The following BAIAP2 variants were observed in gnomAD, a reference collection of about 807,000 sequenced individuals.
BAIAP2 encodes BAR/IMD domain containing adaptor protein 2, also known as BAR/IMD domain-containing adapter protein 2.
In BAIAP2, 18 loss-of-function variants were observed where a neutral mutation model predicts 63.0. That is an observed-to-expected ratio of 0.29 (90% CI 0.20 to 0.42). The LOEUF is 0.42. BAIAP2 is among the 10% of genes least tolerant of loss of function. The pLI, the probability that BAIAP2 is intolerant of heterozygous loss-of-function variation, is 1.00. For missense variants in BAIAP2, 610 were observed against 734.3 expected, an observed-to-expected ratio of 0.83 and a Z score of 1.96; for synonymous variants, 386 against 307.6, an observed-to-expected ratio of 1.25 and a Z score of -2.67.
chr17:81,050,720 CACACAA>C (rs1464990251), intron 1 of BAIAP2, among the ~76,000 whole-genome samples: 3 of 80,834 alleles, frequency 3.7e-5, no homozygotes, highest in Non-Finnish European at 6.5e-5. Context: ...CACACACACG[CACACAA>C]ATGTGCACAT....
chr17:81,055,574 G>GTTTTTTTTTTTTTTTTGTTTTT lies in BAIAP2; in HGVS notation c.130+1840_130+1841insTTTTTTTGTTTTTTTTTTTTTT, dbSNP rs1555657874. Among the ~76,000 whole-genome samples, 40 of 123,408 alleles carry GTTTTTTTTTTTTTTTTGTTTTT rather than the reference G, an allele frequency of 3.2e-4. 2 individuals carry two copies. Among genetic ancestry groups the GTTTTTTTTTTTTTTTTGTTTTT allele is most frequent in the Middle Eastern group, 4.1e-3 (1 of 244 alleles). The allele number at this position is 123,408 out of a possible 152,430, so 81.0% of individuals were successfully genotyped here. ...CCAGCGAAAGTCTGCAGGGTGTTTT[G>GTTTTTTTTTTTTTTTTGTTTTT]TTTTTTTTTGAGACGGAGTCTCACT... On this transcript the variant is annotated intron_variant, in intron 2 of 13. Transcript: ENST00000428708.
chr17:81,109,680 G>A lies in BAIAP2; in HGVS notation c.1535+1171G>A, dbSNP rs879646510. The A allele has an allele frequency of 2.2e-5, 22 of 985,128 alleles. 1 individual carries two copies. The Admixed American group carries it at 4.3e-4, about 19-fold the overall frequency. The allele number at this position is 985,128 out of a possible 1,614,324, so 61.0% of individuals were successfully genotyped here. On this transcript the variant is annotated intron_variant, in intron 13 of 13. Transcript: ENST00000428708. The stretch of plus-strand genomic sequence containing the variant: ...GAGGGCTTCTCCCTCTGGACACTGC[G>A]GGCCAGGTGTACATAGAGCAGCGCG...
At chr17:81,052,607 TCG>T (rs2144080410) in intron 1 of BAIAP2, among the ~76,000 whole-genome samples, 1 of 152,302 alleles carries the variant, frequency 6.6e-6, no homozygotes, top group Admixed American at 6.5e-5. Context: ...GATGGAACAC[TCG>T]TCAAATAGCG....
chr17:81,065,851 G>T (rs2051364970), intron 3 of BAIAP2, among the ~76,000 whole-genome samples: 1 of 152,244 alleles, frequency 6.6e-6, no homozygotes, highest in Non-Finnish European at 1.5e-5. Flanking sequence ...GCTGCCCTTT[G>T]GCCTGGCTGT....
In BAIAP2 at chr17:81,110,137, G is replaced by A; in HGVS notation, c.1535+1628G>A. ...GCCTGCCCGCTGGTGGGAGCCCCTG[G>A]GAAGCTGCGGCGCTCCTTTATCTGA... On this transcript the variant is annotated intron_variant, in intron 13 of 13. Coordinates refer to ENST00000428708, the MANE Select transcript of BAIAP2 (RefSeq NM_001144888.2). The A allele has an allele frequency of 5.1e-6, 5 of 985,642 alleles. No homozygotes were observed. In the South Asian group the frequency reaches 1.9e-4, roughly 37 times the overall value. The allele number at this position is 985,642 out of a possible 1,614,324, so 61.1% of individuals were successfully genotyped here.
chr17:81,096,491 G>A (rs550697433), intron 6 of BAIAP2, among the ~76,000 whole-genome samples: 16 of 152,384 alleles, frequency 1.0e-4, no homozygotes, highest in South Asian at 1.0e-3. Context: ...AGTTCCCTGC[G>A]GGAGGAGCGG....
intron 1 of BAIAP2, among the ~76,000 whole-genome samples, chr17:81,050,111 C>T (rs951298836): frequency 4.6e-5 from 7 of 152,206 alleles, no homozygotes; most frequent in African/African-American, 1.4e-4. Context: ...ACCTACAGTG[C>T]GTGCCTGAGG....
Position 81,117,275 on chromosome 17 carries a change from CAG to C in BAIAP2, c.*1438_*1439del, listed in dbSNP as rs2060573345. 1 of 152,244 alleles carries C rather than the reference CAG, an allele frequency of 6.6e-6. No individual in the cohort carries two copies. Among genetic ancestry groups the C allele is most frequent in the Non-Finnish European group, 1.5e-5 (1 of 68,042 alleles). The allele number at this position is 152,244 out of a possible 1,614,324, so 9.4% of individuals were successfully genotyped here. The stretch of plus-strand genomic sequence containing the variant: ...CCAGGACTTTATCATCGGCAGACCT[CAG>C]AAGACAACACACAAAGGTTTCTTTT... On this transcript the variant is annotated 3_prime_UTR_variant, in exon 14 of 14. Coordinates refer to ENST00000428708, the MANE Select transcript of BAIAP2 (RefSeq NM_001144888.2).
At chr17:81,108,217 C>T in intron 12 of BAIAP2, 1 of 582,920 alleles carries the variant, frequency 1.7e-6, no homozygotes, top group Non-Finnish European at 3.1e-6. Context: ...TGGGAGTGTG[C>T]AACAAGCACA....
intron 6 of BAIAP2, among the ~76,000 whole-genome samples, chr17:81,088,984 C>T (rs933051390): frequency 2.0e-5 from 3 of 152,262 alleles, no homozygotes; most frequent in African/African-American, 2.4e-5. Context: ...CCCTGGTTTT[C>T]AGGTGCCCTG....
chr17:81,039,142 C>T (rs1237291957), intron 1 of BAIAP2, among the ~76,000 whole-genome samples: 4 of 152,260 alleles, frequency 2.6e-5, no homozygotes, highest in Admixed American at 6.5e-5. Context: ...GTGTTACCCG[C>T]CCTCGCCACC....
At chr17:81,086,963 C>A in intron 6 of BAIAP2, 1 of 194,214 alleles carries the variant, frequency 5.1e-6, no homozygotes, top group South Asian at 1.0e-4. Flanking sequence ...GGTGGTACTT[C>A]AGGTTCCTCG....
At chr17:81,060,766 A>G (rs1029229733) in intron 3 of BAIAP2, among the ~76,000 whole-genome samples, 6 of 152,126 alleles carry the variant, frequency 3.9e-5, no homozygotes, top group African/African-American at 1.4e-4. Context: ...TACTGCACAG[A>G]GGCGGCTCCC....
intron 1 of BAIAP2, among the ~76,000 whole-genome samples, chr17:81,035,683 G>A (rs1160736126): frequency 1.3e-5 from 2 of 151,716 alleles, no homozygotes; most frequent in African/African-American, 2.4e-5. Context: ...GACCGGTCGG[G>A]GTCGTAGCAC....
chr17:81,103,365 G>C (rs995565516), intron 7 of BAIAP2, 137 bp from the exon 8 acceptor site: 4 of 820,780 alleles, frequency 4.9e-6, no homozygotes, highest in African/African-American at 1.7e-5. Context: ...CGGGTGGCCT[G>C]TCTCGCCGAG....
intron 1 of BAIAP2, among the ~76,000 whole-genome samples, chr17:81,045,509 G>A (rs11150766): frequency 0.73 from 111,055 of 152,078 alleles, 40,791 homozygotes; most frequent in Middle Eastern, 0.8. Flanking sequence ...TGCACCTCGG[G>A]CCCCTCCTGG....
intron 13 of BAIAP2, chr17:81,109,536 G>T: frequency 6.1e-6 from 6 of 985,636 alleles, no homozygotes; most frequent in Middle Eastern, 5.2e-4. Context: ...AGGTGCTGGG[G>T]TCCCTGGCCG....
At chr17:81,074,634 C>T (rs1401181612) in intron 3 of BAIAP2, among the ~76,000 whole-genome samples, 2 of 137,232 alleles carry the variant, frequency 1.5e-5, no homozygotes, top group Non-Finnish European at 3.1e-5. Flanking sequence ...TGTGCGTGCA[C>T]GGATGCGTTG....
intron 1 of BAIAP2, among the ~76,000 whole-genome samples, chr17:81,037,242 C>T (rs573098585): frequency 1.3e-5 from 2 of 152,336 alleles, no homozygotes; most frequent in South Asian, 2.1e-4. Context: ...GAAGATGTGG[C>T]GGTTGATGAT....
Sources: allele counts gnomAD v4.1 joint callset (sites outside exome capture counted in the v4.1 genomes callset), GRCh38; gene constraint gnomAD v4.1.1; transcripts MANE v1.5; gene names NCBI Gene and HGNC (gene_info 2026-07-23, HGNC 2026-07-21).